Variants in BBS9 observed in about 807,000 individuals in gnomAD.
The protein encoded by BBS9 is protein PTHB1.
A neutral mutation model predicts 117.7 loss-of-function variants in BBS9; 89 were observed. The observed-to-expected ratio is 0.76, with a 90% CI of 0.64 to 0.90. BBS9 has a LOEUF of 0.90. Among genes scored for constraint, BBS9 ranks in the 40% least tolerant of loss-of-function variants. The pLI is 0.00. For synonymous variants in BBS9, 379 were observed against 370.9 expected (o/e 1.02, Z -0.25); for missense variants, 982 against 1,042.2 (o/e 0.94, Z 0.80).
chr7:33,465,870 T>C (rs1840086190), intron 19 of BBS9, among the ~76,000 whole-genome samples: 1 of 152,100 alleles, frequency 6.6e-6, no homozygotes, highest in Non-Finnish European at 1.5e-5. Flanking sequence ...CTTGAAAAAA[T>C]ACCCTTTCTA....
intron 9 of BBS9, among the ~76,000 whole-genome samples, chr7:33,299,976 T>G (rs75374946): frequency 6.6e-6 from 1 of 152,088 alleles, no homozygotes; most frequent in East Asian, 1.9e-4. Context: ...AATGGGGTAA[T>G]TGAGAGAGTA....
At chr7:33,198,756 C>T (rs1244146053) in intron 5 of BBS9, among the ~76,000 whole-genome samples, 2 of 151,822 alleles carry the variant, frequency 1.3e-5, no homozygotes, top group Non-Finnish European at 2.9e-5. Flanking sequence ...TAAGGGAGGA[C>T]TGTGCTTAGC....
intron 5 of BBS9, among the ~76,000 whole-genome samples, chr7:33,244,207 G>T (rs1794984080): frequency 6.6e-6 from 1 of 152,156 alleles, no homozygotes; most frequent in Non-Finnish European, 1.5e-5. Flanking sequence ...TCCAGCCTGG[G>T]TGACAGAGTG....
intron 5 of BBS9, among the ~76,000 whole-genome samples, chr7:33,234,400 T>C (rs1793084027): frequency 6.6e-6 from 1 of 152,078 alleles, no homozygotes; most frequent in Non-Finnish European, 1.5e-5. Flanking sequence ...ATTTGATATA[T>C]GCATGCATTA....
intron 9 of BBS9, among the ~76,000 whole-genome samples, chr7:33,287,683 A>G (rs1803162493): frequency 1.3e-5 from 2 of 152,224 alleles, no homozygotes; most frequent in Non-Finnish European, 2.9e-5. Context: ...AGTGCAGTTT[A>G]CTATTTAAAA....
At chr7:33,355,874 G>A (rs769466158) in intron 15 of BBS9, among the ~76,000 whole-genome samples, 4 of 151,808 alleles carry the variant, frequency 2.6e-5, no homozygotes, top group Non-Finnish European at 5.9e-5. Flanking sequence ...AGGCAGTGTT[G>A]TTGATTATAT....
At chr7:33,264,654 T>TA (rs1243115319) in intron 7 of BBS9, among the ~76,000 whole-genome samples, 4 of 152,084 alleles carry the variant, frequency 2.6e-5, no homozygotes, top group Non-Finnish European at 2.9e-5. Flanking sequence ...ATAGAAACAT[T>TA]AAAAAAATCT....
chr7:33,140,696 A>G (rs991385432), intron 1 of BBS9, among the ~76,000 whole-genome samples: 6 of 152,210 alleles, frequency 3.9e-5, no homozygotes, highest in Non-Finnish European at 5.9e-5. Context: ...TAAAAGTGTA[A>G]TACAGATATT....
chr7:33,368,869 A>G (rs1441081509), intron 17 of BBS9, among the ~76,000 whole-genome samples: 2 of 152,150 alleles, frequency 1.3e-5, no homozygotes, highest in African/African-American at 4.8e-5. Context: ...GAATATGTCA[A>G]TTGGTGACTG....
chr7:33,187,683 G>A (rs1368839604), intron 5 of BBS9, among the ~76,000 whole-genome samples: 1 of 152,210 alleles, frequency 6.6e-6, no homozygotes, highest in Non-Finnish European at 1.5e-5. Flanking sequence ...ACTTTGGGAG[G>A]CTGAGGTGGG....
chr7:33,166,495 A>G (rs528144705), intron 4 of BBS9, among the ~76,000 whole-genome samples: 57 of 152,342 alleles, frequency 3.7e-4, no homozygotes, highest in African/African-American at 1.3e-3. Context: ...TGGCCTTGCT[A>G]AGCTGCGGTG....
chr7:33,604,748 T>C (rs751681271), intron 21 of BBS9, 117 bp from the exon 22 acceptor site: 4 of 781,080 alleles, frequency 5.1e-6, no homozygotes, highest in South Asian at 3.0e-5. Flanking sequence ...CTCCTGAAGA[T>C]TGTTGTCACG....
At position 33,418,027 on chromosome 7, in the gene BBS9, A is replaced by G. The variant is rs556333987; in HGVS notation, c.2115+29883A>G. Among the ~76,000 whole-genome samples, 288 of 152,246 alleles carry G rather than the reference A, an allele frequency of 1.9e-3. 1 individual carries two copies. Among genetic ancestry groups the G allele is most frequent in the African/African-American group, 6.2e-3 (257 of 41,554 alleles). On this transcript the variant is annotated intron_variant, in intron 19 of 22. Coordinates refer to ENST00000242067, the MANE Select transcript of BBS9 (RefSeq NM_198428.3). ...GGACCATATCCATCTTGTTCACTCT[A>G]CCAAGCACAGTGCCTTGCGTACAGC...
chr7:33,440,795 A>G (rs1347504794), intron 19 of BBS9, among the ~76,000 whole-genome samples: 3 of 152,228 alleles, frequency 2.0e-5, no homozygotes, highest in Non-Finnish European at 2.9e-5. Flanking sequence ...ATGAAGCATA[A>G]GATCTAGTGC....
intron 9 of BBS9, among the ~76,000 whole-genome samples, chr7:33,279,879 C>A (rs1020086970): frequency 2.6e-5 from 4 of 152,146 alleles, no homozygotes; most frequent in Admixed American, 2.6e-4. Context: ...AAATAAAGAT[C>A]ATCATTTATC....
At chr7:33,435,469 G>A (rs1584817219) in intron 19 of BBS9, among the ~76,000 whole-genome samples, 1 of 152,158 alleles carries the variant, frequency 6.6e-6, no homozygotes, top group African/African-American at 2.4e-5. Flanking sequence ...TAATAAAAGT[G>A]TGTTAATTTC....
At chr7:33,504,398 T>A (rs1235953828) in intron 19 of BBS9, among the ~76,000 whole-genome samples, 2 of 152,146 alleles carry the variant, frequency 1.3e-5, no homozygotes, top group African/African-American at 2.4e-5. Flanking sequence ...AACATGGAAT[T>A]TGGGAGACCA....
At chr7:33,253,504 C>T (rs77135258) in intron 5 of BBS9, among the ~76,000 whole-genome samples, 12,495 of 152,000 alleles carry the variant, frequency 0.082, 550 homozygotes, top group South Asian at 0.13. Flanking sequence ...CTCAATTACT[C>T]GGGAGGCTGA....
At chr7:33,276,684 A>G (rs1584039749) in intron 9 of BBS9, 1 of 152,476 alleles carries the variant, frequency 6.6e-6, no homozygotes, top group East Asian at 1.9e-4. Flanking sequence ...TAGCAAGAGC[A>G]TCTGCAGCCA....
Sources: gnomAD v4.1 joint callset for allele counts (sites outside exome capture counted in the v4.1 genomes callset) on GRCh38, gnomAD v4.1.1 for gene constraint, MANE v1.5 for transcripts, NCBI Gene and HGNC (gene_info 2026-07-23, HGNC 2026-07-21) for gene names.